Variants in MED12L observed in about 807,000 individuals in gnomAD.
MED12L encodes the protein mediator of RNA polymerase II transcription subunit 12-like protein.
Under a neutral mutation model 281.3 loss-of-function variants are expected in MED12L, and 60 were observed. That is an observed-to-expected ratio of 0.21 (90% CI 0.17 to 0.26). The LOEUF is 0.26. Among genes scored for constraint, MED12L ranks in the 10% least tolerant of loss-of-function variants. The probability of loss-of-function intolerance (pLI) is 1.00; values close to 1 mark genes in which losing one functional copy is unlikely to be tolerated. For synonymous variants in MED12L, 974 were observed against 987.2 expected, an observed-to-expected ratio of 0.99 and a Z score of 0.25; for missense variants, 2,146 against 2,680.9, an observed-to-expected ratio of 0.80 and a Z score of 4.41.
At chr3:151,147,062 T>C (rs1356967942) in intron 5 of MED12L, among the ~76,000 whole-genome samples, 1 of 152,250 alleles carries the variant, frequency 6.6e-6, no homozygotes, top group Non-Finnish European at 1.5e-5. Flanking sequence ...AGGGTACAAC[T>C]GATTAACTTT....
intron 16 of MED12L, among the ~76,000 whole-genome samples, chr3:151,330,086 G>A (rs562224148): frequency 1.3e-5 from 2 of 152,190 alleles, no homozygotes; most frequent in Admixed American, 1.3e-4. Context: ...CAATTAATTG[G>A]GATTAGATTA....
At chr3:151,179,390 G>A (rs1722452970) in intron 11 of MED12L, among the ~76,000 whole-genome samples, 1 of 152,136 alleles carries the variant, frequency 6.6e-6, no homozygotes, top group African/African-American at 2.4e-5. Context: ...ATTTGGTCAG[G>A]GCTGGTCTAG....
At chr3:151,347,985 G>T (rs563782408) in intron 16 of MED12L, among the ~76,000 whole-genome samples, 1 of 152,276 alleles carries the variant, frequency 6.6e-6, no homozygotes, top group South Asian at 2.1e-4. Context: ...TGAGGAGCAC[G>T]TGGCTCTTTC....
chr3:151,308,079 A>G (rs1480353009), intron 16 of MED12L, among the ~76,000 whole-genome samples: 1 of 152,182 alleles, frequency 6.6e-6, no homozygotes, highest in Non-Finnish European at 1.5e-5. Context: ...TGTTAAGTCA[A>G]TTTTATATTG....
At chr3:151,339,189 T>G (rs558906164) in intron 16 of MED12L, among the ~76,000 whole-genome samples, 1 of 152,138 alleles carries the variant, frequency 6.6e-6, no homozygotes, top group Non-Finnish European at 1.5e-5. Context: ...AGAGAAATAA[T>G]GGGGCTGTGC....
At chr3:151,112,470 T>G (rs1357736912) in intron 2 of MED12L, among the ~76,000 whole-genome samples, 1 of 152,086 alleles carries the variant, frequency 6.6e-6, no homozygotes, top group Non-Finnish European at 1.5e-5. Flanking sequence ...TGATTGTGAC[T>G]CTGGGGGAGG....
chr3:151,214,004 T>C (rs990795464), intron 16 of MED12L: 1 of 1,614,058 alleles, frequency 6.2e-7, no homozygotes, highest in Non-Finnish European at 8.5e-7. Context: ...CTGACGTACA[T>C]GTTGACGTAG....
chr3:151,385,333 T>G, intron 36 of MED12L, 142 bp downstream of exon 36: 3 of 525,870 alleles, frequency 5.7e-6, no homozygotes, highest in Non-Finnish European at 6.6e-6. Context: ...TAAGTGTACT[T>G]AGTCATTGGC....
chr3:151,165,775 G>C, intron 10 of MED12L, 71 bp from the exon 11 acceptor site: 1 of 1,472,240 alleles, frequency 6.8e-7, no homozygotes, highest in Non-Finnish European at 9.3e-7. Context: ...ACATAGAATG[G>C]TGATTTTGTA....
intron 11 of MED12L, among the ~76,000 whole-genome samples, chr3:151,174,672 T>A (rs879789047): frequency 6.6e-6 from 1 of 152,230 alleles, no homozygotes; most frequent in Admixed American, 6.5e-5. Context: ...ACCTCAAATA[T>A]CTTTTGGAAA....
intron 38 of MED12L, among the ~76,000 whole-genome samples, chr3:151,391,321 C>T (rs746269573): frequency 1.3e-5 from 2 of 152,208 alleles, no homozygotes; most frequent in African/African-American, 4.8e-5. Context: ...TTGCTGACCC[C>T]TGTGCCTGCA....
intron 8 of MED12L, among the ~76,000 whole-genome samples, chr3:151,161,429 A>G (rs965925633): frequency 6.6e-6 from 1 of 152,106 alleles, no homozygotes; most frequent in South Asian, 2.1e-4. Flanking sequence ...GTAGTGAGAG[A>G]GAATCCGTGA....
intron 5 of MED12L, among the ~76,000 whole-genome samples, chr3:151,140,844 TA>T (rs1391886190): frequency 6.7e-6 from 1 of 149,614 alleles, no homozygotes. Context: ...CACACGCAGA[TA>T]ATTTTGTTTG....
chr3:151,218,303 T>C (rs1259269196), intron 16 of MED12L, among the ~76,000 whole-genome samples: 1 of 152,160 alleles, frequency 6.6e-6, no homozygotes, highest in African/African-American at 2.4e-5. Context: ...AGAGGAGAGA[T>C]AGGCAACAGA....
chr3:151,218,577 G>C lies in MED12L; in HGVS notation c.2250+24911G>C, dbSNP rs566448422. The stretch of plus-strand genomic sequence containing the variant: ...TATATATAGCTAAACTTTTTAAAAA[G>C]GAATACTGTGGCCGGGCACGGTGGC... On this transcript the variant is annotated intron_variant, in intron 16 of 44. Coordinates refer to ENST00000687756, the MANE Select transcript of MED12L (RefSeq NM_001393769.1). Among the ~76,000 whole-genome samples, 98 of 152,156 alleles carry C rather than the reference G, an allele frequency of 6.4e-4. 1 individual carries two copies. In the South Asian group the frequency reaches 0.014, roughly 22 times the overall value.
chr3:151,110,979 A>G (rs374561370), intron 2 of MED12L, among the ~76,000 whole-genome samples: 16 of 152,158 alleles, frequency 1.1e-4, no homozygotes, highest in Non-Finnish European at 2.1e-4. Flanking sequence ...TCATGTTAGC[A>G]TGGTCTCTGT....
At chr3:151,162,377 C>A (rs1036107315) in intron 8 of MED12L, among the ~76,000 whole-genome samples, 17 of 152,070 alleles carry the variant, frequency 1.1e-4, no homozygotes, top group South Asian at 6.2e-4. Context: ...GTCTCCTAGA[C>A]CTCAGAGTTT....
chr3:151,276,610 A>G (rs556093756), intron 16 of MED12L, among the ~76,000 whole-genome samples: 6 of 152,346 alleles, frequency 3.9e-5, no homozygotes, highest in African/African-American at 1.4e-4. Flanking sequence ...TTCTGAGTTC[A>G]TAGAGCCTTA....
intron 2 of MED12L, among the ~76,000 whole-genome samples, chr3:151,107,855 G>C (rs1394569998): frequency 6.6e-6 from 1 of 152,058 alleles, no homozygotes; most frequent in Non-Finnish European, 1.5e-5. Flanking sequence ...CTCAATCGTA[G>C]GTAAGCCTAT....
Sources: allele counts gnomAD v4.1 joint callset (sites outside exome capture counted in the v4.1 genomes callset), GRCh38; gene constraint gnomAD v4.1.1; transcripts MANE v1.5; gene names NCBI Gene and HGNC (gene_info 2026-07-23, HGNC 2026-07-21).